Variants in KCNMA1 observed in about 807,000 individuals in gnomAD.
KCNMA1 encodes the protein potassium calcium-activated channel subfamily M alpha 1.
A neutral mutation model predicts 140.0 loss-of-function variants in KCNMA1; 29 were observed. That is an observed-to-expected ratio of 0.21 (90% confidence interval 0.15 to 0.28). The LOEUF (loss-of-function observed/expected upper bound fraction) is 0.28. Among genes scored for constraint, KCNMA1 ranks in the 10% least tolerant of loss-of-function variants. The pLI is 1.00. For missense variants in KCNMA1, 880 were observed against 1,602.2 expected (o/e 0.55, Z 7.70); for synonymous variants, 612 against 611.9 (o/e 1.00, Z 0.00).
intron 1 of KCNMA1, among the ~76,000 whole-genome samples, chr10:77,494,168 C>T (rs961648340): frequency 1.3e-5 from 2 of 152,212 alleles, no homozygotes; most frequent in Admixed American, 6.5e-5. Flanking sequence ...TGGGAGAGGA[C>T]TTTTAATGCC....
chr10:77,216,145 C>A (rs972769460), intron 3 of KCNMA1, among the ~76,000 whole-genome samples: 1 of 152,100 alleles, frequency 6.6e-6, no homozygotes, highest in Non-Finnish European at 1.5e-5. Flanking sequence ...TCTATAGAGA[C>A]AGAAAGTAGA....
chr10:77,629,868 C>G (rs2092982748), intron 1 of KCNMA1, among the ~76,000 whole-genome samples: 1 of 152,188 alleles, frequency 6.6e-6, no homozygotes, highest in Admixed American at 6.5e-5. Context: ...GATGCTAGGT[C>G]CTTCTTCATT....
intron 2 of KCNMA1, among the ~76,000 whole-genome samples, chr10:77,380,215 C>T (rs772011067): frequency 6.6e-6 from 1 of 152,176 alleles, no homozygotes; most frequent in African/African-American, 2.4e-5. Context: ...TCACCCTCTT[C>T]ACATGGTGGG....
intron 1 of KCNMA1, among the ~76,000 whole-genome samples, chr10:77,470,045 G>A (rs983605110): frequency 1.3e-5 from 2 of 152,110 alleles, no homozygotes; most frequent in African/African-American, 4.8e-5. Context: ...CAGCAGTGGT[G>A]AGAAGGAGGC....
chr10:77,545,388 T>C (rs1303602224), intron 1 of KCNMA1, among the ~76,000 whole-genome samples: 1 of 152,156 alleles, frequency 6.6e-6, no homozygotes, highest in Non-Finnish European at 1.5e-5. Flanking sequence ...GAAAATAGGA[T>C]AAAAATGTTA....
chr10:76,990,588 C>T (rs2082451634), intron 19 of KCNMA1, among the ~76,000 whole-genome samples: 1 of 152,190 alleles, frequency 6.6e-6, no homozygotes, highest in Admixed American at 6.5e-5. Flanking sequence ...GACCTGAGCC[C>T]CTTCCTCCCT....
intron 1 of KCNMA1, among the ~76,000 whole-genome samples, chr10:77,632,507 C>A (rs2093327140): frequency 6.6e-6 from 1 of 152,152 alleles, no homozygotes; most frequent in East Asian, 1.9e-4. Context: ...CCACTGATAC[C>A]CCACCATCAA....
At chr10:76,988,941 T>C (rs1385576582) in intron 19 of KCNMA1, among the ~76,000 whole-genome samples, 1 of 152,190 alleles carries the variant, frequency 6.6e-6, no homozygotes, top group African/African-American at 2.4e-5. Flanking sequence ...TGCTACACGA[T>C]TTCATTCCTG....
intron 3 of KCNMA1, among the ~76,000 whole-genome samples, chr10:77,196,174 C>G (rs2040415547): frequency 6.6e-6 from 1 of 152,024 alleles, no homozygotes; most frequent in Non-Finnish European, 1.5e-5. Context: ...TGTGAGAGGC[C>G]TAGGATGGCC....
At chr10:76,941,102 G>GAAAGAAA (rs879886205) in intron 23 of KCNMA1, among the ~76,000 whole-genome samples, 2 of 66,052 alleles carry the variant, frequency 3.0e-5, no homozygotes, top group East Asian at 4.3e-4. Flanking sequence ...AAAGAAAGAA[G>GAAAGAAA]GGAGGGAGGG....
intron 5 of KCNMA1, among the ~76,000 whole-genome samples, chr10:77,169,092 A>C (rs1239564851): frequency 6.6e-6 from 1 of 152,226 alleles, no homozygotes; most frequent in East Asian, 1.9e-4. Flanking sequence ...ACCCATGATC[A>C]AAAGAGTGGC....
At chr10:76,929,355 A>G (rs2058679398) in intron 23 of KCNMA1, among the ~76,000 whole-genome samples, 1 of 152,194 alleles carries the variant, frequency 6.6e-6, no homozygotes, top group African/African-American at 2.4e-5. Context: ...TAGGTATTCA[A>G]AGAATTGTTT....
At chr10:77,284,036 G>A (rs1020508998) in intron 2 of KCNMA1, among the ~76,000 whole-genome samples, 4 of 152,128 alleles carry the variant, frequency 2.6e-5, no homozygotes, top group Non-Finnish European at 4.4e-5. Flanking sequence ...TGCAAACAGA[G>A]GGAACAGCAC....
chr10:77,276,422 A>G (rs2066690425), intron 2 of KCNMA1, among the ~76,000 whole-genome samples: 3 of 152,206 alleles, frequency 2.0e-5, no homozygotes, highest in Admixed American at 6.5e-5. Context: ...ACATCAGGAA[A>G]CACTCATTGA....
chr10:76,879,916 G>C (rs7903624), downstream of KCNMA1, among the ~76,000 whole-genome samples: 8,811 of 152,206 alleles, frequency 0.058, 299 homozygotes, highest in South Asian at 0.16. Context: ...CTTTTTCCAG[G>C]GGTTTATGTG....
chr10:77,025,664 G>A (rs1260444825), intron 16 of KCNMA1, among the ~76,000 whole-genome samples: 3 of 152,088 alleles, frequency 2.0e-5, no homozygotes, highest in South Asian at 4.1e-4. Flanking sequence ...AAGGTGGGAA[G>A]GAGAAACAGG....
intron 1 of KCNMA1, among the ~76,000 whole-genome samples, chr10:77,544,038 T>G (rs770000919): frequency 1.3e-5 from 2 of 152,162 alleles, no homozygotes; most frequent in African/African-American, 4.8e-5. Context: ...TTGTTTCCTC[T>G]TAGAAATTTA....
At chr10:77,546,015 A>G (rs1046362114) in intron 1 of KCNMA1, among the ~76,000 whole-genome samples, 2 of 152,016 alleles carry the variant, frequency 1.3e-5, no homozygotes, top group Non-Finnish European at 2.9e-5. Flanking sequence ...CCCAGTTACC[A>G]TCTGAACTCA....
chr10:77,130,915 A>G (rs1273050179), intron 5 of KCNMA1, among the ~76,000 whole-genome samples: 1 of 152,222 alleles, frequency 6.6e-6, no homozygotes, highest in African/African-American at 2.4e-5. Flanking sequence ...GATAAACAGA[A>G]TATTAAAAAT....
Sources: gnomAD v4.1 joint callset for allele counts (sites outside exome capture counted in the v4.1 genomes callset) on GRCh38, gnomAD v4.1.1 for gene constraint, MANE v1.5 for transcripts, NCBI Gene and HGNC (gene_info 2026-07-23, HGNC 2026-07-21) for gene names.